The following CEP15 variants were observed in gnomAD, a reference collection of about 807,000 sequenced individuals.
The protein encoded by CEP15 is centrosomal protein 15, also known as centrosomal protein 15 kDa.
chr3:62,333,240 G>T, the CEP15 span: 1 of 1,603,820 alleles, frequency 6.2e-7, no homozygotes, highest in Admixed American at 1.7e-5. This position sits in a 1 kb window ranked among gnomAD's most constrained non-coding sequence, Gnocchi z 4.0. Flanking sequence ...TTTACTTTTG[G>T]ATTTTTTTTT....
At chr3:62,332,115 A>G in the CEP15 span, among the ~76,000 whole-genome samples, 1 of 152,098 alleles carries the variant, frequency 6.6e-6, no homozygotes, top group African/African-American at 2.4e-5. Flanking sequence ...AAACTCTGGT[A>G]CAAAGTTGTG....
chr3:62,332,819 G>A, the CEP15 span, among the ~76,000 whole-genome samples: 12 of 152,116 alleles, frequency 7.9e-5, no homozygotes, highest in South Asian at 2.5e-3. Flanking sequence ...ATCTTTTGAT[G>A]TTAATCCTGA....
At chr3:62,320,143 G>C in the CEP15 span, among the ~76,000 whole-genome samples, 35 of 152,096 alleles carry the variant, frequency 2.3e-4, no homozygotes, top group Admixed American at 1.8e-3. Context: ...TTTTTTTTCT[G>C]TTGATTCAAT....
At chr3:62,320,800 C>T in the CEP15 span, among the ~76,000 whole-genome samples, 1 of 152,156 alleles carries the variant, frequency 6.6e-6, no homozygotes, top group East Asian at 1.9e-4. Context: ...TAATGGGCTT[C>T]TCTAAACCTC....
At chr3:62,323,207 A>G in the CEP15 span, among the ~76,000 whole-genome samples, 1 of 152,210 alleles carries the variant, frequency 6.6e-6, no homozygotes, top group Admixed American at 6.5e-5. Flanking sequence ...ATAAGTATAA[A>G]TCAGAGCTCT....
chr3:62,320,132 A>AT, the CEP15 span, among the ~76,000 whole-genome samples: 4 of 151,858 alleles, frequency 2.6e-5, no homozygotes, highest in Non-Finnish European at 5.9e-5. Flanking sequence ...TACAGAGCAG[A>AT]TTTTTTTTCT....
At chr3:62,332,688 C>T in the CEP15 span, among the ~76,000 whole-genome samples, 1 of 151,996 alleles carries the variant, frequency 6.6e-6, no homozygotes, top group Admixed American at 6.6e-5. Context: ...TTTGTCATCA[C>T]AAAAATGGGG....
chr3:62,329,510 G>T, the CEP15 span, among the ~76,000 whole-genome samples: 1 of 152,092 alleles, frequency 6.6e-6, no homozygotes, highest in Non-Finnish European at 1.5e-5. Flanking sequence ...GAGGAAGAAA[G>T]GTAGTAATCA....
the CEP15 span, among the ~76,000 whole-genome samples, chr3:62,320,241 T>C: frequency 1.3e-5 from 2 of 152,216 alleles, no homozygotes; most frequent in Non-Finnish European, 2.9e-5. Context: ...CAATATGAAA[T>C]ATGTTGGGTT....
chr3:62,327,250 C>T, the CEP15 span, among the ~76,000 whole-genome samples: 1 of 152,172 alleles, frequency 6.6e-6, no homozygotes, highest in African/African-American at 2.4e-5. Flanking sequence ...AATGTGAGCA[C>T]ATATGTAATT....
the CEP15 span, among the ~76,000 whole-genome samples, chr3:62,320,150 C>G: frequency 6.6e-6 from 1 of 152,192 alleles, no homozygotes; most frequent in East Asian, 1.9e-4. Flanking sequence ...TCTGTTGATT[C>G]AATAAAACGT....
At chr3:62,328,237 G>A in the CEP15 span, among the ~76,000 whole-genome samples, 2 of 152,112 alleles carry the variant, frequency 1.3e-5, no homozygotes, top group Non-Finnish European at 2.9e-5. Context: ...AATTAAAATC[G>A]CTGATCTTAT....
At chr3:62,325,522 A>G in the CEP15 span, among the ~76,000 whole-genome samples, 1 of 152,224 alleles carries the variant, frequency 6.6e-6, no homozygotes, top group African/African-American at 2.4e-5. Flanking sequence ...GTCAGTAACT[A>G]TCATAAAAGA....
the CEP15 span, chr3:62,335,876 C>T: frequency 6.6e-6 from 1 of 151,802 alleles, no homozygotes; most frequent in East Asian, 1.9e-4. Flanking sequence ...AATTATTAAA[C>T]TGTAGAATGC....
the CEP15 span, among the ~76,000 whole-genome samples, chr3:62,324,406 G>GA: frequency 6.6e-6 from 1 of 151,934 alleles, no homozygotes; most frequent in Admixed American, 6.6e-5. Flanking sequence ...TGTGTCTGGG[G>GA]AAAAATAAAT....
chr3:62,321,810 T>G, the CEP15 span: 3 of 707,864 alleles, frequency 4.2e-6, no homozygotes, highest in Non-Finnish European at 6.7e-6. The surrounding 1 kb of genome is among the most constrained non-coding windows in gnomAD (Gnocchi z 4.1). Context: ...GTAATTGACT[T>G]TCAGAATAGG....
chr3:62,331,717 G>A, the CEP15 span, among the ~76,000 whole-genome samples: 11 of 152,000 alleles, frequency 7.2e-5, no homozygotes, highest in African/African-American at 1.7e-4. Context: ...ATGACAACAC[G>A]CCTAACTCAA....
the CEP15 span, among the ~76,000 whole-genome samples, chr3:62,327,220 G>C: frequency 2.0e-5 from 3 of 152,176 alleles, no homozygotes; most frequent in Non-Finnish European, 4.4e-5. Context: ...ATCTAGAGCT[G>C]TGCTGTCCAA....
chr3:62,335,974 G>A, the CEP15 span: 1 of 152,110 alleles, frequency 6.6e-6, no homozygotes, highest in Non-Finnish European at 1.5e-5. Flanking sequence ...CTGGAAACCA[G>A]ACATCTGGTC....
Sources: allele counts gnomAD v4.1 joint callset (sites outside exome capture counted in the v4.1 genomes callset), GRCh38; gene constraint gnomAD v4.1.1; non-coding constraint Gnocchi (gnomAD v3.1); transcripts MANE v1.5; gene names NCBI Gene and HGNC (gene_info 2026-07-23, HGNC 2026-07-21).